FAT3: variants seen among roughly 807,000 people sequenced by gnomAD.
The protein encoded by FAT3 is protocadherin Fat 3.
In FAT3, 95 loss-of-function variants were observed where a neutral mutation model predicts 310.2. The ratio of observed to expected loss-of-function variants is 0.31; its 90% CI spans 0.26 to 0.36. The LOEUF (loss-of-function observed/expected upper bound fraction) is 0.36. FAT3 is among the 10% of genes least tolerant of loss of function. FAT3 has a pLI of 1.00. For missense variants in FAT3, 5,408 were observed against 5,715.6 expected (o/e 0.95, Z 1.74); for synonymous variants, 2,314 against 2,192.9 (o/e 1.06, Z -1.54).
intron 1 of FAT3, among the ~76,000 whole-genome samples, chr11:92,350,253 C>T (rs1367235027): frequency 6.6e-6 from 1 of 151,418 alleles, no homozygotes; most frequent in Non-Finnish European, 1.5e-5. Flanking sequence ...TTATCATTAA[C>T]AAAAAGGTTA....
At chr11:92,875,656 G>A (rs757045710) in intron 22 of FAT3, among the ~76,000 whole-genome samples, 5 of 152,088 alleles carry the variant, frequency 3.3e-5, no homozygotes, top group East Asian at 1.9e-4. Context: ...CAGGCTACCC[G>A]TGGTTTAACA....
At chr11:92,310,705 A>G (rs1001320059) in intron 1 of FAT3, among the ~76,000 whole-genome samples, 46 of 152,212 alleles carry the variant, frequency 3.0e-4, no homozygotes, top group African/African-American at 8.2e-4. Context: ...ATATACACAT[A>G]TAAGTTTCTG....
chr11:92,415,221 T>A (rs1401911970), intron 2 of FAT3, among the ~76,000 whole-genome samples: 2 of 152,214 alleles, frequency 1.3e-5, no homozygotes, highest in African/African-American at 2.4e-5. Context: ...TCTTTATAAG[T>A]TACAAACCTA....
In FAT3 at chr11:92,801,525, G is replaced by A. The variant is rs1201056579; in HGVS notation, c.8512G>A (p.Ala2838Thr). The A allele has an allele frequency of 1.2e-6, 2 of 1,609,918 alleles. No homozygotes were observed. The highest frequency in any genetic ancestry group is 2.2e-5 in the South Asian group (2 of 90,288). The change falls in exon 10 of 28, where the codon GCT (alanine) becomes ACT (threonine). Residue 2838 changes from alanine to threonine, a missense_variant. Ala to Thr is a moderately conservative substitution (Grantham distance 58). This residue lies in a region of FAT3 where 4,588 missense variants were observed against 4,809.8 expected (regional missense o/e 0.95). Transcript: ENST00000525166. Reference sequence around the variant, plus strand: ...TGGCACCAAACTCACACAAGTGAGAGCTATTGATATGGACTGGGGAGCCAA... The same window carrying A: ...TGGCACCAAACTCACACAAGTGAGAACTATTGATATGGACTGGGGAGCCAA... ...PVGTKLTQVR[A>T]IDMDWGANGQ...
At chr11:92,345,326 G>A (rs1181191093) in intron 1 of FAT3, among the ~76,000 whole-genome samples, 1 of 152,108 alleles carries the variant, frequency 6.6e-6, no homozygotes, top group Non-Finnish European at 1.5e-5. Context: ...AAGGAGCTAT[G>A]GTCCAATGTA....
At position 92,887,093 on chromosome 11, in the gene FAT3, C is replaced by T. The variant is rs1949812692; in HGVS notation, c.13031C>T (p.Ser4344Leu). 6.2e-7 allele frequency: 1 copy of T among 1,611,018 alleles called. No homozygotes were observed. The highest frequency in any genetic ancestry group is 8.5e-7 in the Non-Finnish European group (1 of 1,178,832). ...SEVQSLSSFQ[S>L]DSGDDNASIV... ...GTTCAGTCCCTCAGCTCCTTCCAGTCAGATTCTGGTGACGACAATGGTAAG... is the reference window on the plus strand; with the variant it reads ...GTTCAGTCCCTCAGCTCCTTCCAGTTAGATTCTGGTGACGACAATGGTAAG... Residue 4344 changes from serine to leucine, a missense_variant, in exon 25 of 28, where the codon TCA becomes TTA. Physicochemically the swap from Ser to Leu is moderately radical, Grantham distance 145 (BLOSUM62 -2). Around this residue, in one of 5 missense-constraint regions of FAT3, gnomAD observed 649 missense variants for 666.2 expected, o/e 0.97. Coordinates refer to ENST00000525166, the MANE Select transcript of FAT3 (RefSeq NM_001367949.2).
intron 3 of FAT3, among the ~76,000 whole-genome samples, chr11:92,633,095 C>T (rs1225798266): frequency 1.3e-5 from 2 of 152,164 alleles, no homozygotes; most frequent in Non-Finnish European, 2.9e-5. Flanking sequence ...TTCTTTTATT[C>T]TCTAATGCTC....
intron 3 of FAT3, among the ~76,000 whole-genome samples, chr11:92,676,575 G>A (rs775661883): frequency 1.1e-4 from 16 of 152,208 alleles, no homozygotes; most frequent in Non-Finnish European, 1.9e-4. Context: ...GCCTGAAACC[G>A]TTCCATTTCA....
chr11:92,444,745 C>T (rs1403757206), intron 2 of FAT3, among the ~76,000 whole-genome samples: 4 of 151,552 alleles, frequency 2.6e-5, no homozygotes, highest in African/African-American at 7.3e-5. Context: ...TTATAGCAGT[C>T]AGGACATCTG....
At chr11:92,392,413 G>A (rs1040671320) in intron 2 of FAT3, among the ~76,000 whole-genome samples, 3 of 152,116 alleles carry the variant, frequency 2.0e-5, no homozygotes, top group Admixed American at 1.3e-4. Context: ...GAGCCAGGAC[G>A]TATTTCTGTC....
intron 2 of FAT3, among the ~76,000 whole-genome samples, chr11:92,423,820 T>C (rs765748104): frequency 1.3e-5 from 2 of 152,164 alleles, no homozygotes; most frequent in Non-Finnish European, 2.9e-5. Context: ...GAAACCTCAG[T>C]TGTTACTCTT....
intron 4 of FAT3, among the ~76,000 whole-genome samples, chr11:92,744,677 C>T (rs1263583942): frequency 6.6e-6 from 1 of 151,678 alleles, no homozygotes; most frequent in East Asian, 1.9e-4. Context: ...ACTGGTGGGC[C>T]AGTTTTTTTT....
intron 22 of FAT3, among the ~76,000 whole-genome samples, chr11:92,870,778 A>G (rs1170739827): frequency 6.6e-6 from 1 of 152,174 alleles, no homozygotes; most frequent in African/African-American, 2.4e-5. Context: ...TGAGATGGAA[A>G]CTTGGGGAGA....
At chr11:92,457,979 C>T (rs1951540110) in intron 2 of FAT3, among the ~76,000 whole-genome samples, 1 of 152,104 alleles carries the variant, frequency 6.6e-6, no homozygotes, top group African/African-American at 2.4e-5. Flanking sequence ...ACCACTGTGT[C>T]AGAATTATGC....
chr11:92,760,376 G>C (rs1342236570), intron 4 of FAT3, among the ~76,000 whole-genome samples: 1 of 152,148 alleles, frequency 6.6e-6, no homozygotes, highest in Non-Finnish European at 1.5e-5. Flanking sequence ...CTGTCAGGTT[G>C]TTTTATTAGG....
At chr11:92,277,720 G>A (rs1946312073) in intron 1 of FAT3, among the ~76,000 whole-genome samples, 1 of 151,934 alleles carries the variant, frequency 6.6e-6, no homozygotes, top group Admixed American at 6.6e-5. Context: ...GAGAGAGGAG[G>A]GCAAGGGTTG....
At chr11:92,335,363 GT>G (rs543300226) in intron 1 of FAT3, among the ~76,000 whole-genome samples, 11 of 152,204 alleles carry the variant, frequency 7.2e-5, no homozygotes, top group Non-Finnish European at 1.6e-4. Flanking sequence ...ACAGGCAAGA[GT>G]TTTGCAATCG....
intron 2 of FAT3, among the ~76,000 whole-genome samples, chr11:92,489,103 CTT>C (rs1952521769): frequency 6.6e-6 from 1 of 151,990 alleles, no homozygotes; most frequent in South Asian, 2.1e-4. Context: ...TGATGTTACT[CTT>C]GTGATCTCTC....
intron 2 of FAT3, among the ~76,000 whole-genome samples, chr11:92,462,490 A>G (rs972398131): frequency 6.6e-6 from 1 of 152,210 alleles, no homozygotes; most frequent in Non-Finnish European, 1.5e-5. Flanking sequence ...AAGAAATTTT[A>G]TCTAAAGTTT....
Sources: gnomAD v4.1 joint callset for allele counts (sites outside exome capture counted in the v4.1 genomes callset) on GRCh38, gnomAD v4.1.1 for gene constraint, gnomAD v4.1.1 regional missense constraint, MANE v1.5 for transcripts, NCBI Gene and HGNC (gene_info 2026-07-23, HGNC 2026-07-21) for gene names.